CAMTA1: variants seen among roughly 807,000 people sequenced by gnomAD.
CAMTA1 encodes calmodulin-binding transcription activator 1.
Under a neutral mutation model 170.9 loss-of-function variants are expected in CAMTA1, and 27 were observed. That is an observed-to-expected ratio of 0.16 (90% CI 0.12 to 0.22). The LOEUF is 0.22. CAMTA1 is among the 10% of genes least tolerant of loss of function. The pLI is 1.00. For synonymous variants in CAMTA1, 833 were observed against 891.5 expected, an observed-to-expected ratio of 0.93 and a Z score of 1.17; for missense variants, 1,619 against 2,217.2, an observed-to-expected ratio of 0.73 and a Z score of 5.42.
At position 7,748,802 on chromosome 1, in the gene CAMTA1, C is replaced by T. The variant is rs2096875436; in HGVS notation, c.4689+1021C>T. On this transcript the variant is annotated intron_variant, in intron 19 of 22. Transcript: ENST00000303635. The surrounding 1 kb of genome is among the most constrained non-coding windows in gnomAD (Gnocchi z 4.7). Reference sequence around the variant, plus strand: ...TTAGTTAAAGGTGCAAGAAGATTATCTAAGTACTCTTTCATGCAGTATTTC... The same window carrying T: ...TTAGTTAAAGGTGCAAGAAGATTATTTAAGTACTCTTTCATGCAGTATTTC... 1.3e-5 allele frequency among the ~76,000 whole-genome samples: 2 copies of T among 152,186 alleles called. No individual in the cohort carries two copies. Among genetic ancestry groups the T allele is most frequent in the South Asian group, 4.1e-4 (2 of 4,832 alleles).
At chr1:7,537,592 G>A (rs1373135544) in intron 6 of CAMTA1, among the ~76,000 whole-genome samples, 5 of 152,234 alleles carry the variant, frequency 3.3e-5, no homozygotes, top group Admixed American at 6.5e-5. Flanking sequence ...GGTCCTCAAG[G>A]CCTCTCTGCT....
At position 6,887,618 on chromosome 1, in the gene CAMTA1, G is replaced by A. The variant is rs112339766; in HGVS notation, c.234+62408G>A. On this transcript the variant is annotated intron_variant, in intron 3 of 22. Transcript: ENST00000303635. The surrounding 1 kb of genome is among the most constrained non-coding windows in gnomAD (Gnocchi z 4.1). ...TTCAGTTAAAAACAGAAATAGAAGC[G>A]ACGGTTTTGACCCATTTTACACCTA... The A allele has an allele frequency of 1.6e-5, 24 of 1,530,614 alleles. No homozygotes were observed. The highest frequency in any genetic ancestry group is 8.2e-5 in the African/African-American group (6 of 72,864). 94.8% of individuals were successfully genotyped at this position (1,530,614 alleles called of 1,614,324 possible). A position where few individuals can be genotyped will look rare whatever the true frequency, so the allele number is the denominator to read the frequency against.
chr1:7,099,007 A>T (rs1298969663), intron 4 of CAMTA1, among the ~76,000 whole-genome samples: 1 of 152,150 alleles, frequency 6.6e-6, no homozygotes, highest in African/African-American at 2.4e-5. Context: ...TCCCTGGGTT[A>T]GACAGCTACG....
In CAMTA1 at chr1:7,364,314, T is replaced by C. The variant is rs1292226683; in HGVS notation, c.439-103516T>C. ...AACAACATACATTTAATGCTCACAG[T>C]TCTGGAGGCTGGGAAGTCCAAGATC... On this transcript the variant is annotated intron_variant, in intron 5 of 22. Coordinates refer to ENST00000303635, the MANE Select transcript of CAMTA1 (RefSeq NM_015215.4). Among the ~76,000 whole-genome samples, 5 of 152,140 alleles carry C rather than the reference T, an allele frequency of 3.3e-5. No individual in the cohort carries two copies. In the East Asian group the frequency reaches 9.6e-4, roughly 29 times the overall value.
At chr1:7,217,225 C>T (rs914255154) in intron 4 of CAMTA1, among the ~76,000 whole-genome samples, 2 of 152,176 alleles carry the variant, frequency 1.3e-5, no homozygotes, top group Admixed American at 6.5e-5. Flanking sequence ...TCCCCCTTTG[C>T]TCGGCACTTC....
intron 5 of CAMTA1, among the ~76,000 whole-genome samples, chr1:7,265,574 A>G (rs1668801566): frequency 6.6e-6 from 1 of 152,214 alleles, no homozygotes; most frequent in Non-Finnish European, 1.5e-5. Context: ...TTGGCCTCCT[A>G]AAGTGCTGGG....
At chr1:7,699,385 G>A (rs569549998) in intron 11 of CAMTA1, among the ~76,000 whole-genome samples, 3 of 152,192 alleles carry the variant, frequency 2.0e-5, no homozygotes, top group South Asian at 2.1e-4. Context: ...GTAATACAAT[G>A]TATGGACTTG....
intron 6 of CAMTA1, among the ~76,000 whole-genome samples, chr1:7,513,782 C>A (rs935229236): frequency 6.6e-6 from 1 of 152,152 alleles, no homozygotes. Flanking sequence ...ATTAGCCAGG[C>A]GTGGTGGCGC....
chr1:7,376,312 G>T (rs139381821), intron 5 of CAMTA1, among the ~76,000 whole-genome samples: 12 of 152,374 alleles, frequency 7.9e-5, no homozygotes, highest in Non-Finnish European at 1.0e-4. Flanking sequence ...CTGCCTGCTT[G>T]CTCAGGGAGC....
intron 4 of CAMTA1, among the ~76,000 whole-genome samples, chr1:7,190,623 T>A (rs1321832241): frequency 2.0e-5 from 3 of 152,142 alleles, no homozygotes; most frequent in Admixed American, 6.5e-5. Flanking sequence ...TGAGTGTTGT[T>A]CCTTTTTTAA....
chr1:7,107,292 G>GCA, intron 4 of CAMTA1, among the ~76,000 whole-genome samples: 1 of 151,204 alleles, frequency 6.6e-6, no homozygotes. Flanking sequence ...GTGTGTGTGT[G>GCA]TGTGTGTGTG....
chr1:7,049,992 G>A (rs78087116), intron 3 of CAMTA1, among the ~76,000 whole-genome samples: 2,545 of 152,268 alleles, frequency 0.017, 67 homozygotes, highest in African/African-American at 0.058. Flanking sequence ...AGGAGGGAAT[G>A]GGGTCCAGCG....
At chr1:7,716,151 G>A (rs2149721639) in intron 11 of CAMTA1, among the ~76,000 whole-genome samples, 1 of 152,264 alleles carries the variant, frequency 6.6e-6, no homozygotes, top group Non-Finnish European at 1.5e-5. Flanking sequence ...CCCCATCTCA[G>A]CCTCCAGAGT....
chr1:7,502,031 A>C (rs954468112), intron 6 of CAMTA1, among the ~76,000 whole-genome samples: 8 of 152,238 alleles, frequency 5.3e-5, no homozygotes, highest in Non-Finnish European at 8.8e-5. Context: ...TGCAATCTCA[A>C]GCCCCCCGGA....
intron 5 of CAMTA1, among the ~76,000 whole-genome samples, chr1:7,423,763 G>A (rs891207022): frequency 3.3e-5 from 5 of 152,148 alleles, no homozygotes; most frequent in Admixed American, 6.5e-5. Flanking sequence ...GGAGGATGTC[G>A]TATGGCCGAG....
At chr1:7,602,254 G>C (rs1303862646) in intron 6 of CAMTA1, among the ~76,000 whole-genome samples, 1 of 149,804 alleles carries the variant, frequency 6.7e-6, no homozygotes, top group African/African-American at 2.5e-5. Context: ...TTGTACCTCT[G>C]GTAGAATTCG....
chr1:7,353,649 C>T (rs1277318684), intron 5 of CAMTA1, among the ~76,000 whole-genome samples: 1 of 152,132 alleles, frequency 6.6e-6, no homozygotes, highest in Non-Finnish European at 1.5e-5. Flanking sequence ...GTCTTGAACT[C>T]CTGACCTCAG....
intron 5 of CAMTA1, among the ~76,000 whole-genome samples, chr1:7,399,778 A>C (rs914839077): frequency 1.3e-5 from 2 of 152,094 alleles, no homozygotes; most frequent in African/African-American, 4.8e-5. Context: ...TTTTTCTTCC[A>C]GCACTTTGAA....
intron 4 of CAMTA1, among the ~76,000 whole-genome samples, chr1:7,197,016 A>G (rs1573821216): frequency 6.6e-6 from 1 of 152,308 alleles, no homozygotes; most frequent in East Asian, 1.9e-4. Context: ...TTTTTTTCTA[A>G]TTAAGAATTT....
Sources: allele counts gnomAD v4.1 joint callset (sites outside exome capture counted in the v4.1 genomes callset), GRCh38; gene constraint gnomAD v4.1.1; non-coding constraint Gnocchi (gnomAD v3.1); transcripts MANE v1.5; gene names NCBI Gene and HGNC (gene_info 2026-07-23, HGNC 2026-07-21).